The following FILIP1L variants were observed in gnomAD, a reference collection of about 807,000 sequenced individuals.
The protein encoded by FILIP1L is filamin A interacting protein 1 like.
A neutral mutation model predicts 96.6 loss-of-function variants in FILIP1L; 55 were observed. That is an observed-to-expected ratio of 0.57 (90% confidence interval 0.46 to 0.71). The LOEUF is 0.71. FILIP1L is among the 30% of genes least tolerant of loss of function. The pLI is 0.00. For synonymous variants in FILIP1L, 467 were observed against 473.9 expected (o/e 0.99, Z 0.19); for missense variants, 1,304 against 1,321.2 (o/e 0.99, Z 0.20).
At chr3:99,898,885 G>A (rs932530063) in intron 4 of FILIP1L, 14 of 152,044 alleles carry the variant, frequency 9.2e-5, no homozygotes, top group African/African-American at 3.4e-4. Flanking sequence ...AATTGAATGA[G>A]GTATATTGCA....
intron 4 of FILIP1L, chr3:99,876,154 G>T (rs866817505): frequency 1.4e-5 from 14 of 985,868 alleles, no homozygotes; most frequent in Non-Finnish European, 1.7e-5. Context: ...TGCGCGCTCC[G>T]AGAGTCGCCC....
chr3:100,071,719 A>G (rs1576019756), intron 1 of FILIP1L, among the ~76,000 whole-genome samples: 2 of 152,234 alleles, frequency 1.3e-5, no homozygotes, highest in South Asian at 4.2e-4. Context: ...TTTCTTGGCC[A>G]AGACTGCTCC....
chr3:100,094,740 G>T (rs537932870), intron 1 of FILIP1L, among the ~76,000 whole-genome samples: 27 of 130,494 alleles, frequency 2.1e-4, no homozygotes, highest in Middle Eastern at 5.4e-3. Context: ...CTGGAGTGCA[G>T]TGGCACAATC....
intron 1 of FILIP1L, among the ~76,000 whole-genome samples, chr3:100,012,220 ATT>A (rs1218034254): frequency 7.9e-5 from 12 of 152,154 alleles, no homozygotes; most frequent in African/African-American, 2.9e-4. Flanking sequence ...ATCTAAAATT[ATT>A]TGTTTTATAT....
intron 5 of FILIP1L, among the ~76,000 whole-genome samples, chr3:99,837,180 T>A (rs1388264905): frequency 6.6e-6 from 1 of 152,214 alleles, no homozygotes; most frequent in Non-Finnish European, 1.5e-5. Flanking sequence ...TATAAATTAC[T>A]ATGAGAGCTG....
At chr3:99,985,176 G>A (rs551661920) in intron 1 of FILIP1L, among the ~76,000 whole-genome samples, 1 of 152,144 alleles carries the variant, frequency 6.6e-6, no homozygotes, top group African/African-American at 2.4e-5. Flanking sequence ...CATCCTAGGG[G>A]GTCAAAGGTT....
intron 1 of FILIP1L, among the ~76,000 whole-genome samples, chr3:100,018,052 G>A (rs901513200): frequency 3.9e-5 from 6 of 152,184 alleles, no homozygotes; most frequent in African/African-American, 1.4e-4. Context: ...GTGAAGGCTA[G>A]GTCCAGGGGC....
intron 4 of FILIP1L, among the ~76,000 whole-genome samples, chr3:99,905,431 G>T (rs1706583182): frequency 6.6e-6 from 1 of 152,052 alleles, no homozygotes; most frequent in Non-Finnish European, 1.5e-5. Context: ...TTGTCATCAG[G>T]GCCCACAGCA....
At chr3:99,980,695 C>T (rs1397937413) in intron 1 of FILIP1L, among the ~76,000 whole-genome samples, 2 of 152,134 alleles carry the variant, frequency 1.3e-5, no homozygotes, top group Admixed American at 1.3e-4. Context: ...AATGGGACAG[C>T]GTATTGGCAG....
chr3:100,080,851 G>T (rs2065921707), intron 1 of FILIP1L, among the ~76,000 whole-genome samples: 1 of 152,176 alleles, frequency 6.6e-6, no homozygotes, highest in Non-Finnish European at 1.5e-5. Flanking sequence ...ATTTTAGGAT[G>T]GATGTGTACA....
At chr3:100,004,677 A>G (rs984974995) in intron 1 of FILIP1L, among the ~76,000 whole-genome samples, 1 of 152,204 alleles carries the variant, frequency 6.6e-6, no homozygotes, top group African/African-American at 2.4e-5. Context: ...AGAGAGCACC[A>G]TAGGTGGGGG....
At chr3:100,089,518 A>G (rs544323316) in intron 1 of FILIP1L, among the ~76,000 whole-genome samples, 65 of 152,354 alleles carry the variant, frequency 4.3e-4, no homozygotes, top group South Asian at 2.1e-3. Context: ...GCATCCACCT[A>G]TAAGTCAAAG....
intron 4 of FILIP1L, among the ~76,000 whole-genome samples, chr3:99,869,847 G>A (rs1237358842): frequency 6.6e-6 from 1 of 152,166 alleles, no homozygotes; most frequent in Admixed American, 6.5e-5. Flanking sequence ...TGGGCCATGA[G>A]ACACAATAAA....
rs1943532529 is a variant in FILIP1L at position 99,849,248 on chromosome 3, G to A, written c.2428C>T (p.Pro810Ser). 6.2e-7 allele frequency: 1 copy of A among 1,613,988 alleles called. No homozygotes were observed. Among genetic ancestry groups the A allele is most frequent in the African/African-American group, 1.3e-5 (1 of 74,904 alleles). Residue 810 changes from proline to serine, a missense_variant, in exon 5 of 6, where the codon CCT (proline) becomes TCT (serine). Transcript: ENST00000477258. Reference protein sequence around the residue: ...VQTEAVDNEPPDYKSLIPLER... With the variant: ...VQTEAVDNEPSDYKSLIPLER... ...AGAGGAATGAGGCTCTTGTAATCAG[G>A]TGGTTCATTGTCTACTGCTTCTGTC...
intron 1 of FILIP1L, chr3:100,023,220 A>C (rs1359479012): frequency 1.3e-5 from 2 of 152,360 alleles, no homozygotes; most frequent in African/African-American, 4.8e-5. Flanking sequence ...ACCCTTACAG[A>C]GATAATTCTC....
At chr3:100,096,119 G>A (rs968925914) in intron 1 of FILIP1L, among the ~76,000 whole-genome samples, 2 of 152,084 alleles carry the variant, frequency 1.3e-5, no homozygotes, top group South Asian at 4.2e-4. Context: ...AACACAGGCT[G>A]GAAAGGATGT....
At chr3:100,055,793 A>C (rs980425474) in intron 1 of FILIP1L, among the ~76,000 whole-genome samples, 2 of 152,202 alleles carry the variant, frequency 1.3e-5, no homozygotes, top group African/African-American at 4.8e-5. Context: ...AAATTTCAGA[A>C]ATTTTTTAAT....
At chr3:100,008,927 A>G in intron 1 of FILIP1L, among the ~76,000 whole-genome samples, 1 of 152,236 alleles carries the variant, frequency 6.6e-6, no homozygotes, top group East Asian at 1.9e-4. Context: ...GAAACTTGGA[A>G]CACCTATAAA....
chr3:100,001,046 C>T (rs1432290082), intron 1 of FILIP1L, among the ~76,000 whole-genome samples: 1 of 152,158 alleles, frequency 6.6e-6, no homozygotes, highest in Non-Finnish European at 1.5e-5. Context: ...ATATTTCACA[C>T]ACACACACAC....
Sources: gnomAD v4.1 joint callset for allele counts (sites outside exome capture counted in the v4.1 genomes callset) on GRCh38, gnomAD v4.1.1 for gene constraint, MANE v1.5 for transcripts, NCBI Gene and HGNC (gene_info 2026-07-23, HGNC 2026-07-21) for gene names.